RTN3: variants seen among roughly 807,000 people sequenced by gnomAD.
RTN3 encodes reticulon-3.
Under a neutral mutation model 77.8 loss-of-function variants are expected in RTN3, and 49 were observed. That is an observed-to-expected ratio of 0.63 (90% confidence interval 0.50 to 0.80). The LOEUF (loss-of-function observed/expected upper bound fraction) is 0.80, where lower values mean the gene tolerates loss of function less well. RTN3 is among the 30% of genes least tolerant of loss of function. RTN3 has a pLI of 0.00. For missense variants in RTN3, 1,236 were observed against 1,211.9 expected (o/e 1.02, Z -0.29); for synonymous variants, 464 against 446.9 (o/e 1.04, Z -0.48).
chr11:63,704,855 C>T lies in RTN3; in HGVS notation c.147C>T (p.Ser49=). The T allele has an allele frequency of 6.2e-7, 1 of 1,609,502 alleles. No homozygotes were observed. The highest frequency in any genetic ancestry group is 8.5e-7 in the Non-Finnish European group (1 of 1,176,214). ...TKSCSSSCAD[S]FVSSSSSQPV... Reference sequence around the variant, plus strand: ...ATGCTGTATATTTTCTTTCAGATTCCTTTGTTTCTTCCTCTTCCTCTCAGC... The same window carrying T: ...ATGCTGTATATTTTCTTTCAGATTCTTTTGTTTCTTCCTCTTCCTCTCAGC... The change falls in exon 2 of 9, where the codon TCC becomes TCT. Residue 49 remains serine (S), a synonymous_variant. Transcript: ENST00000377819.
chr11:63,745,767 A>G (rs550436763), intron 3 of RTN3, among the ~76,000 whole-genome samples: 1 of 152,208 alleles, frequency 6.6e-6, no homozygotes, highest in Non-Finnish European at 1.5e-5. Flanking sequence ...GTTTTCCAGC[A>G]GATGGCAGTA....
At chr11:63,688,307 T>TC (rs1421008618) in intron 1 of RTN3, among the ~76,000 whole-genome samples, 1 of 142,696 alleles carries the variant, frequency 7.0e-6, no homozygotes, top group Admixed American at 7.5e-5. Context: ...CACTGCAACC[T>TC]CCATCTCCCA....
rs752861158 is a variant in RTN3 at position 63,681,787 on chromosome 11, C to A, written c.142+9C>A. The A allele has an allele frequency of 2.6e-6, 4 of 1,558,164 alleles. No individual in the cohort carries two copies. Among genetic ancestry groups the A allele is most frequent in the Non-Finnish European group, 3.5e-6 (4 of 1,157,342 alleles). ...CAGCTCCTCCTGTGCGGGTAAGGCG[C>A]GCGGGGAGCCCCCGCCCTGGGAAAG... On this transcript the variant is annotated intron_variant, in intron 1 of 8. Coordinates refer to ENST00000377819, the MANE Select transcript of RTN3 (RefSeq NM_001265589.2).
Position 63,753,707 on chromosome 11 carries a change from A to G in RTN3, c.2993A>G (p.Lys998Arg), listed in dbSNP as rs770292373. 5.6e-6 allele frequency: 9 copies of G among 1,613,384 alleles called. No homozygotes were observed. Among genetic ancestry groups the G allele is most frequent in the Non-Finnish European group, 7.6e-6 (9 of 1,179,376 alleles). The change falls in exon 7 of 9, where the codon AAG (lysine) becomes AGG (arginine). Residue 998 changes from lysine to arginine, a missense_variant and splice_region_variant. Transcript: ENST00000377819. The part of the protein sequence containing the change: ...FSVPIVYEKY[K>R]TQIDHYVGIA... ...GTCCCGATTGTCTATGAGAAGTACA[A>G]GGTAAGCATTTATCTGTTCCAAATC...
intron 3 of RTN3, among the ~76,000 whole-genome samples, chr11:63,735,905 T>C (rs2013088427): frequency 6.6e-6 from 1 of 152,112 alleles, no homozygotes; most frequent in Non-Finnish European, 1.5e-5. Context: ...TTAAAGACAT[T>C]ATAAAACTCC....
At chr11:63,712,256 C>T (rs942616872) in intron 2 of RTN3, among the ~76,000 whole-genome samples, 1 of 152,106 alleles carries the variant, frequency 6.6e-6, no homozygotes, top group African/African-American at 2.4e-5. Flanking sequence ...AGTAAAAAGG[C>T]ATGTGGTCTG....
intron 3 of RTN3, chr11:63,747,037 G>C (rs1056826419): frequency 2.2e-6 from 1 of 455,812 alleles, no homozygotes; most frequent in African/African-American, 2.0e-5. Context: ...AAGTTCCTCA[G>C]CCTTTCTCTT....
At chr11:63,731,075 A>ATT (rs35424226) in intron 3 of RTN3, among the ~76,000 whole-genome samples, 116 of 147,704 alleles carry the variant, frequency 7.9e-4, no homozygotes, top group African/African-American at 2.7e-3. Context: ...ATTTCAAAGG[A>ATT]TTTTTTTTTT....
intron 3 of RTN3, among the ~76,000 whole-genome samples, chr11:63,727,960 C>T (rs903031197): frequency 2.0e-5 from 3 of 152,084 alleles, no homozygotes; most frequent in African/African-American, 7.2e-5. Context: ...GAAAACCATA[C>T]CTTGGTGTAT....
intron 3 of RTN3, among the ~76,000 whole-genome samples, chr11:63,729,087 A>T (rs942724955): frequency 2.6e-5 from 4 of 151,680 alleles, no homozygotes; most frequent in African/African-American, 9.7e-5. Flanking sequence ...AACAACAAAA[A>T]AAACAAAAAA....
chr11:63,738,761 A>T (rs2013292879), intron 3 of RTN3, among the ~76,000 whole-genome samples: 1 of 152,094 alleles, frequency 6.6e-6, no homozygotes. Context: ...TATACTTGGG[A>T]GAATAAAGTC....
chr11:63,699,480 T>C (rs1942130875), intron 1 of RTN3, among the ~76,000 whole-genome samples: 2 of 152,160 alleles, frequency 1.3e-5, no homozygotes, highest in African/African-American at 4.8e-5. Flanking sequence ...CGAGCCCTTA[T>C]CTCTTGCCAA....
intron 1 of RTN3, among the ~76,000 whole-genome samples, chr11:63,698,354 G>C (rs1271695467): frequency 1.3e-5 from 2 of 152,136 alleles, no homozygotes; most frequent in East Asian, 3.9e-4. Flanking sequence ...TCAAACTGCT[G>C]AGGTCAAGCC....
intron 3 of RTN3, among the ~76,000 whole-genome samples, chr11:63,728,908 AAG>A (rs1424518122): frequency 2.1e-5 from 3 of 144,892 alleles, no homozygotes; most frequent in Non-Finnish European, 4.5e-5. Context: ...AAAAAGAAAA[AAG>A]AAAAGAAAGT....
At chr11:63,706,278 C>T (rs894658031) in intron 2 of RTN3, among the ~76,000 whole-genome samples, 5 of 152,172 alleles carry the variant, frequency 3.3e-5, no homozygotes, top group Non-Finnish European at 5.9e-5. Context: ...CAGCCTCAAT[C>T]TCCTGGGTTC....
At chr11:63,689,313 C>T (rs1176663955) in intron 1 of RTN3, among the ~76,000 whole-genome samples, 1 of 152,146 alleles carries the variant, frequency 6.6e-6, no homozygotes, top group Admixed American at 6.6e-5. Context: ...ACTGACTTAA[C>T]CTTCTATTCT....
intron 4 of RTN3, among the ~76,000 whole-genome samples, chr11:63,750,644 G>C (rs1565045252): frequency 6.6e-6 from 1 of 151,656 alleles, no homozygotes. Flanking sequence ...TAGATACGGG[G>C]TTTCTCTATG....
chr11:63,691,114 CTTTTTTTTTTTTTTT>C (rs796809025), intron 1 of RTN3, among the ~76,000 whole-genome samples: 75 of 91,906 alleles, frequency 8.2e-4, no homozygotes, highest in African/African-American at 3.0e-3. Context: ...ATTGCTAATT[CTTTTTTTTTTTTTTT>C]TTTTTTTTTG....
chr11:63,746,470 T>TA (rs1488355411), intron 3 of RTN3, among the ~76,000 whole-genome samples: 4 of 152,196 alleles, frequency 2.6e-5, no homozygotes, highest in Non-Finnish European at 1.5e-5. Flanking sequence ...ATCTTTGTTT[T>TA]ACGTAACCAA....
Sources: gnomAD v4.1 joint callset for allele counts (sites outside exome capture counted in the v4.1 genomes callset) on GRCh38, gnomAD v4.1.1 for gene constraint, MANE v1.5 for transcripts, NCBI Gene and HGNC (gene_info 2026-07-23, HGNC 2026-07-21) for gene names.